The following PPARGC1A variants were observed in gnomAD, a reference collection of about 807,000 sequenced individuals.
The protein encoded by PPARGC1A is peroxisome proliferator-activated receptor gamma coactivator 1-alpha.
Under a neutral mutation model 88.7 loss-of-function variants are expected in PPARGC1A, and 25 were observed. The observed-to-expected ratio is 0.28, with a 90% CI of 0.21 to 0.39. The LOEUF is 0.39. Ranked by LOEUF, PPARGC1A falls within the 10% of genes least tolerant of loss-of-function variation. The pLI is 1.00. For missense variants in PPARGC1A, 880 were observed against 968.7 expected, an observed-to-expected ratio of 0.91 and a Z score of 1.22; for synonymous variants, 363 against 355.6, an observed-to-expected ratio of 1.02 and a Z score of -0.24.
chr4:23,943,048 T>C, the PPARGC1A span, among the ~76,000 whole-genome samples: 7 of 152,192 alleles, frequency 4.6e-5, no homozygotes, highest in Admixed American at 6.6e-5. Flanking sequence ...GTTGCCTTCA[T>C]CCTGAGGCTT....
the PPARGC1A span, among the ~76,000 whole-genome samples, chr4:24,434,926 T>TC: frequency 1.4e-4 from 21 of 152,354 alleles, no homozygotes; most frequent in African/African-American, 5.0e-4. Context: ...CAGGGAATTT[T>TC]CTCAGCCCTG....
the PPARGC1A span, among the ~76,000 whole-genome samples, chr4:24,352,644 A>G: frequency 6.6e-6 from 1 of 152,166 alleles, no homozygotes; most frequent in African/African-American, 2.4e-5. Context: ...GCATTCTCCA[A>G]ACCAACCCAT....
At chr4:23,924,253 T>C in the PPARGC1A span, among the ~76,000 whole-genome samples, 6 of 152,336 alleles carry the variant, frequency 3.9e-5, no homozygotes, top group African/African-American at 1.4e-4. Flanking sequence ...TTATCCTTCC[T>C]ATGAGATTCC....
intron 2 of PPARGC1A, among the ~76,000 whole-genome samples, chr4:23,848,519 C>A (rs1728698683): frequency 6.6e-6 from 1 of 152,176 alleles, no homozygotes; most frequent in Non-Finnish European, 1.5e-5. Flanking sequence ...GGTGAAAGAT[C>A]TGATGCTATC....
chr4:24,281,726 G>A, the PPARGC1A span, among the ~76,000 whole-genome samples: 2 of 152,122 alleles, frequency 1.3e-5, no homozygotes, highest in Non-Finnish European at 2.9e-5. Flanking sequence ...TCCATGAAGG[G>A]CAGAGATCAT....
At chr4:24,024,183 G>A in the PPARGC1A span, among the ~76,000 whole-genome samples, 1 of 152,144 alleles carries the variant, frequency 6.6e-6, no homozygotes, top group African/African-American at 2.4e-5. Flanking sequence ...GATCCTGCCA[G>A]GATTAGCATT....
At chr4:24,233,515 C>T in the PPARGC1A span, among the ~76,000 whole-genome samples, 4 of 151,926 alleles carry the variant, frequency 2.6e-5, no homozygotes, top group South Asian at 6.2e-4. Flanking sequence ...CTACACATAC[C>T]AGACTCAATG....
At chr4:24,022,509 C>G in the PPARGC1A span, among the ~76,000 whole-genome samples, 3 of 152,178 alleles carry the variant, frequency 2.0e-5, no homozygotes, top group African/African-American at 7.2e-5. Context: ...TGCTTCCTGA[C>G]AGATTCCAAG....
the PPARGC1A span, among the ~76,000 whole-genome samples, chr4:24,422,866 G>C: frequency 6.6e-6 from 1 of 152,186 alleles, no homozygotes; most frequent in African/African-American, 2.4e-5. Context: ...CACCCCACTA[G>C]TTAAGCATCC....
chr4:24,098,747 A>G, the PPARGC1A span, among the ~76,000 whole-genome samples: 1 of 151,328 alleles, frequency 6.6e-6, no homozygotes, highest in African/African-American at 2.5e-5. Flanking sequence ...GACTGTGATC[A>G]GAAGGATTTA....
chr4:24,394,506 G>A, the PPARGC1A span, among the ~76,000 whole-genome samples: 2 of 152,176 alleles, frequency 1.3e-5, no homozygotes, highest in Non-Finnish European at 2.9e-5. Flanking sequence ...GCTGGTTGTG[G>A]TACTAAAGAT....
intron 2 of PPARGC1A, among the ~76,000 whole-genome samples, chr4:23,832,450 G>A (rs551689817): frequency 1.3e-5 from 2 of 151,800 alleles, no homozygotes; most frequent in South Asian, 4.2e-4. Context: ...CTTTAGTTTG[G>A]GTAACAATTC....
At chr4:24,271,918 T>C in the PPARGC1A span, among the ~76,000 whole-genome samples, 4 of 152,094 alleles carry the variant, frequency 2.6e-5, no homozygotes, top group African/African-American at 4.8e-5. Flanking sequence ...TACATACTTG[T>C]TATTATATTA....
chr4:24,169,604 T>C, the PPARGC1A span, among the ~76,000 whole-genome samples: 3 of 152,014 alleles, frequency 2.0e-5, no homozygotes, highest in Non-Finnish European at 2.9e-5. Context: ...GCATGTTGGC[T>C]CACATCTATA....
chr4:23,911,146 C>G, the PPARGC1A span, among the ~76,000 whole-genome samples: 1 of 152,076 alleles, frequency 6.6e-6, no homozygotes, highest in Non-Finnish European at 1.5e-5. Flanking sequence ...TGAAATGCAA[C>G]AGAGAAACCC....
chr4:24,001,867 C>T, the PPARGC1A span, among the ~76,000 whole-genome samples: 1 of 152,106 alleles, frequency 6.6e-6, no homozygotes, highest in African/African-American at 2.4e-5. Flanking sequence ...GGCACCGAAA[C>T]AGACGTTCTT....
the PPARGC1A span, among the ~76,000 whole-genome samples, chr4:24,376,964 C>G: frequency 1.3e-5 from 2 of 152,088 alleles, no homozygotes; most frequent in African/African-American, 4.8e-5. Context: ...GTCAAATGGC[C>G]TAACCTTTTA....
At chr4:24,351,824 T>A in the PPARGC1A span, among the ~76,000 whole-genome samples, 461 of 152,260 alleles carry the variant, frequency 3.0e-3, 9 homozygotes, top group African/African-American at 0.011. Context: ...TTTGTTTTTT[T>A]GTTTTTTTTT....
chr4:23,992,024 T>C, the PPARGC1A span, among the ~76,000 whole-genome samples: 3 of 152,014 alleles, frequency 2.0e-5, no homozygotes, highest in Non-Finnish European at 2.9e-5. Context: ...TGGGAAGAAA[T>C]TTACTTTGGG....
Sources: gnomAD v4.1 joint callset for allele counts (sites outside exome capture counted in the v4.1 genomes callset) on GRCh38, gnomAD v4.1.1 for gene constraint, MANE v1.5 for transcripts, NCBI Gene and HGNC (gene_info 2026-07-23, HGNC 2026-07-21) for gene names.